Variants in MAGED1 observed in about 807,000 individuals in gnomAD.
MAGED1 encodes melanoma-associated antigen D1.
Under a neutral mutation model 54.1 loss-of-function variants are expected in MAGED1, and 3 were observed. The ratio of observed to expected loss-of-function variants is 0.06; its 90% CI spans 0.03 to 0.14. The LOEUF is 0.14. Among genes scored for constraint, MAGED1 ranks in the 10% least tolerant of loss-of-function variants. The pLI is 1.00. For synonymous variants in MAGED1, 217 were observed against 227.3 expected, an observed-to-expected ratio of 0.95 and a Z score of 0.41; for missense variants, 485 against 623.4, an observed-to-expected ratio of 0.78 and a Z score of 2.36.
chrX:51,896,524 C>T lies in MAGED1; in HGVS notation c.869C>T (p.Ala290Val). Residue 290 changes from alanine (A) to valine (V), a missense_variant, in exon 4 of 13, where the codon GCA (alanine) becomes GTA (valine). Around this residue, in one of 2 missense-constraint regions of MAGED1, gnomAD observed 299 missense variants for 293.1 expected, o/e 1.02. Coordinates refer to ENST00000326587, the MANE Select transcript of MAGED1 (RefSeq NM_006986.4). ...GTGACCACTCAGAACCCACCTGGCG[C>T]ACCCCCCAATGTGCTCTGGCAGACG... is the stretch of plus-strand genomic sequence containing the variant. ...VPVTTQNPPG[A>V]PPNVLWQTPL... is the part of the protein sequence containing the mutation. The T allele has an allele frequency of 8.3e-7, 1 of 1,211,861 alleles. No individual in the cohort carries two copies.
At chrX:51,828,124 G>A (rs1232923195) in intron 1 of MAGED1, among the ~76,000 whole-genome samples, 1 of 111,488 alleles carries the variant, frequency 9.0e-6, no homozygotes, top group Non-Finnish European at 1.9e-5. Flanking sequence ...CTCTCTCTTT[G>A]CATATCATTT....
intron 1 of MAGED1, among the ~76,000 whole-genome samples, chrX:51,816,218 A>G (rs1925416282): frequency 9.2e-6 from 1 of 109,010 alleles, no homozygotes; most frequent in African/African-American, 3.4e-5. Flanking sequence ...GGTTCAAGTG[A>G]TTTCTCCTGC....
At chrX:51,879,239 A>C (rs782116864) in intron 1 of MAGED1, among the ~76,000 whole-genome samples, 2 of 111,634 alleles carry the variant, frequency 1.8e-5, no homozygotes, top group Non-Finnish European at 3.8e-5. Context: ...TTCCTTCTCC[A>C]GTGCTCTCCC....
intron 1 of MAGED1, among the ~76,000 whole-genome samples, chrX:51,822,710 C>T (rs150818059): frequency 0.12 from 13,163 of 110,187 alleles, 729 homozygotes; most frequent in Non-Finnish European, 0.17. Flanking sequence ...TCTTTTTATA[C>T]GTGTCTGAAT....
At chrX:51,884,430 C>T (rs1360815803) in intron 1 of MAGED1, among the ~76,000 whole-genome samples, 1 of 111,895 alleles carries the variant, frequency 8.9e-6, no homozygotes, top group African/African-American at 3.2e-5. Context: ...ATAAAATATC[C>T]TTTAGTAATG....
At chrX:51,864,028 A>T (rs1230428585) in intron 1 of MAGED1, among the ~76,000 whole-genome samples, 4 of 110,976 alleles carry the variant, frequency 3.6e-5, no homozygotes, top group African/African-American at 1.3e-4. Flanking sequence ...TGCTTTTGTT[A>T]CCTGCCTTTT....
At chrX:51,900,134 A>G (rs1569556078) in intron 10 of MAGED1, 48 bp from the exon 11 acceptor site, 1 of 796,081 alleles carries the variant, frequency 1.3e-6, no homozygotes, top group East Asian at 3.2e-5. Flanking sequence ...TTAGTGGACT[A>G]CCATTCTGCC....
chrX:51,878,348 C>G (rs1927947061), intron 1 of MAGED1, among the ~76,000 whole-genome samples: 1 of 111,085 alleles, frequency 9.0e-6, no homozygotes, highest in Non-Finnish European at 1.9e-5. Flanking sequence ...ACCAAGAAAG[C>G]CTGCGATGGT....
intron 1 of MAGED1, among the ~76,000 whole-genome samples, chrX:51,844,015 TA>T (rs1294932631): frequency 8.9e-6 from 1 of 111,913 alleles, no homozygotes; most frequent in Non-Finnish European, 1.9e-5. Context: ...ATCAGCTTGT[TA>T]AAAATACAGA....
upstream of MAGED1, among the ~76,000 whole-genome samples, chrX:51,888,987 G>C (rs1372144188): frequency 8.9e-6 from 1 of 111,749 alleles, no homozygotes; most frequent in African/African-American, 3.3e-5. Flanking sequence ...AGGAGGGTTG[G>C]TTGTGACTAT....
At chrX:51,839,549 T>C (rs1372249068) in intron 1 of MAGED1, among the ~76,000 whole-genome samples, 1 of 111,875 alleles carries the variant, frequency 8.9e-6, no homozygotes, top group Non-Finnish European at 1.9e-5. Context: ...TTATATAAAA[T>C]TCAGCCTTCC....
Position 51,898,565 on chromosome X carries a change from C to T in MAGED1, c.1782-16C>T. Reference sequence around the variant, plus strand: ...GTAATAGCCTCTGATTGTGGGTTTCCTTTTTTTACCTTCAGGGTGAGACAT... The same window carrying T: ...GTAATAGCCTCTGATTGTGGGTTTCTTTTTTTTACCTTCAGGGTGAGACAT... On this transcript the variant is annotated splice_polypyrimidine_tract_variant and intron_variant, in intron 9 of 12. Transcript: ENST00000326587. 8.4e-7 allele frequency: 1 copy of T among 1,196,716 alleles called. No individual in the cohort carries two copies. Among genetic ancestry groups the T allele is most frequent in the Non-Finnish European group, 1.1e-6 (1 of 887,645 alleles).
At chrX:51,847,266 A>G (rs1926720488) in intron 1 of MAGED1, among the ~76,000 whole-genome samples, 1 of 111,789 alleles carries the variant, frequency 8.9e-6, no homozygotes, top group African/African-American at 3.3e-5. Context: ...TGAGATTGGT[A>G]TGTATCCTTT....
rs372204279 is a variant in MAGED1 at position 51,833,838 on chromosome X, AT to A, written c.-37+30724del. Among the ~76,000 whole-genome samples, 123 of 112,010 alleles carry A rather than the reference AT, an allele frequency of 1.1e-3. 1 individual carries two copies. The highest frequency in any genetic ancestry group is 3.9e-3 in the African/African-American group (120 of 30,919). Reference sequence around the variant, plus strand: ...TTGCATTTATTGCCTAACTCAATACATTTAGAAAATCGCAATGCAATTGAAG... The same window carrying A: ...TTGCATTTATTGCCTAACTCAATACATTAGAAAATCGCAATGCAATTGAAG... On this transcript the variant is annotated intron_variant, in intron 1 of 12. Transcript: ENST00000375772.
Position 51,900,207 on chromosome X carries a change from A to G in MAGED1, c.1870A>G (p.Asn624Asp). 1 of 1,208,350 alleles carries G rather than the reference A, an allele frequency of 8.3e-7. No individual in the cohort carries two copies. Among genetic ancestry groups the G allele is most frequent in the Non-Finnish European group, 1.1e-6 (1 of 893,705 alleles). Residue 624 changes from asparagine to aspartate, a missense_variant, in exon 11 of 13, where the codon AAC (asparagine) becomes GAC (aspartate). This residue lies in a region of MAGED1 where 186 missense variants were observed against 330.3 expected (regional missense o/e 0.56). Transcript: ENST00000326587. The part of the protein sequence containing the change: ...QKYLDYRRVP[N>D]SNPPEYEFLW... The stretch of plus-strand genomic sequence containing the variant: ...ATACCTGGACTACAGACGAGTGCCC[A>G]ACAGCAACCCCCCGGAGTATGAGTT...
At chrX:51,889,310 T>C (rs1485517366), upstream of MAGED1, among the ~76,000 whole-genome samples, 2 of 110,710 alleles carry the variant, frequency 1.8e-5, no homozygotes, top group Non-Finnish European at 3.8e-5. Flanking sequence ...CTAAAAGCAG[T>C]AGGGCATCAG....
At chrX:51,877,472 G>A (rs1207779424) in intron 1 of MAGED1, among the ~76,000 whole-genome samples, 1 of 110,631 alleles carries the variant, frequency 9.0e-6, no homozygotes, top group Non-Finnish European at 1.9e-5. Context: ...ATTGAATAAC[G>A]GCCTTAAAAT....
chrX:51,833,266 T>C (rs77851393), intron 1 of MAGED1, among the ~76,000 whole-genome samples: 2 of 110,153 alleles, frequency 1.8e-5, no homozygotes, highest in South Asian at 7.7e-4. Context: ...TTTTTTTTTT[T>C]CTACAGGAAT....
intron 1 of MAGED1, among the ~76,000 whole-genome samples, chrX:51,827,286 G>T (rs937895994): frequency 1.8e-5 from 2 of 110,594 alleles, no homozygotes; most frequent in African/African-American, 6.6e-5. Context: ...AAAAAAGAAA[G>T]AAAAGGCTAC....
Sources: gnomAD v4.1 joint callset for allele counts (sites outside exome capture counted in the v4.1 genomes callset) on GRCh38, gnomAD v4.1.1 for gene constraint, gnomAD v4.1.1 regional missense constraint, MANE v1.5 for transcripts, NCBI Gene and HGNC (gene_info 2026-07-23, HGNC 2026-07-21) for gene names.